The following KCNB2 variants were observed in gnomAD, a reference collection of about 807,000 sequenced individuals.
The protein encoded by KCNB2 is potassium voltage-gated channel subfamily B member 2.
In KCNB2, 15 loss-of-function variants were observed where a neutral mutation model predicts 61.5. The observed-to-expected ratio is 0.24, with a 90% CI of 0.16 to 0.38. The LOEUF is 0.38. Among genes scored for constraint, KCNB2 ranks in the 10% least tolerant of loss-of-function variants. KCNB2 has a pLI of 1.00. For synonymous variants in KCNB2, 457 were observed against 446.0 expected (o/e 1.02, Z -0.31); for missense variants, 828 against 1,125.2 (o/e 0.74, Z 3.78).
In KCNB2 at chr8:72,858,985, C is replaced by G. The variant is rs1031648523; in HGVS notation, c.580-76950C>G. On this transcript the variant is annotated intron_variant, in intron 2 of 2. Coordinates refer to ENST00000523207, the MANE Select transcript of KCNB2 (RefSeq NM_004770.3). ...CTTCTAATTTTGTTTGCCCCCATCA[C>G]AAATATAGGATTACACAAATTCTAA... Among the ~76,000 whole-genome samples, 4 of 152,318 alleles carry G rather than the reference C, an allele frequency of 2.6e-5. 1 individual carries two copies.
chr8:72,774,740 T>A (rs1265990145), intron 2 of KCNB2, among the ~76,000 whole-genome samples: 1 of 152,152 alleles, frequency 6.6e-6, no homozygotes. Context: ...CATGTCCTAC[T>A]ATAAATTTAT....
At chr8:72,784,785 A>G (rs1230698431) in intron 2 of KCNB2, among the ~76,000 whole-genome samples, 1 of 152,270 alleles carries the variant, frequency 6.6e-6, no homozygotes, top group Admixed American at 6.5e-5. Context: ...CAGCCAAACC[A>G]TATCACTGGG....
chr8:72,643,053 A>G (rs1806080065), intron 2 of KCNB2, among the ~76,000 whole-genome samples: 1 of 152,176 alleles, frequency 6.6e-6, no homozygotes, highest in Admixed American at 6.5e-5. Context: ...CTTCTCATAT[A>G]TGCCAAATTT....
intron 2 of KCNB2, among the ~76,000 whole-genome samples, chr8:72,916,553 T>A (rs1346941778): frequency 2.0e-5 from 3 of 152,324 alleles, no homozygotes; most frequent in African/African-American, 7.2e-5. Context: ...GTTTTAACTT[T>A]ACTGTCTGTG....
chr8:72,574,222 A>G (rs1347461298), intron 2 of KCNB2, among the ~76,000 whole-genome samples: 1 of 152,222 alleles, frequency 6.6e-6, no homozygotes, highest in Non-Finnish European at 1.5e-5. Flanking sequence ...TTCTAGATCC[A>G]TGCTTCTCTG....
chr8:72,624,128 A>G (rs1172764066), intron 2 of KCNB2, among the ~76,000 whole-genome samples: 1 of 152,176 alleles, frequency 6.6e-6, no homozygotes, highest in African/African-American at 2.4e-5. Context: ...TCAAATCTCT[A>G]TAATGTTCAT....
At position 72,882,520 on chromosome 8, in the gene KCNB2, TGAGAGAGA is replaced by T. The variant is rs147239924; in HGVS notation, c.580-53386_580-53379del. Among the ~76,000 whole-genome samples, 302 of 115,458 alleles carry T rather than the reference TGAGAGAGA, an allele frequency of 2.6e-3. 3 individuals carry two copies. The highest frequency in any genetic ancestry group is 8.4e-3 in the African/African-American group (259 of 30,812). The allele number at this position is 115,458 out of a possible 152,430, so 75.7% of individuals were successfully genotyped here. A position where few individuals can be genotyped will look rare whatever the true frequency, so the allele number is the denominator to read the frequency against. ...TTTGACCATGCCAACTGCTGACAGT[TGAGAGAGA>T]GAGAGAGAGAGAGAGAGAGAGAGAG... On this transcript the variant is annotated intron_variant, in intron 2 of 2. Coordinates refer to ENST00000523207, the MANE Select transcript of KCNB2 (RefSeq NM_004770.3).
chr8:72,870,569 T>G (rs1050959105), intron 2 of KCNB2, among the ~76,000 whole-genome samples: 1 of 152,098 alleles, frequency 6.6e-6, no homozygotes, highest in Admixed American at 6.5e-5. Flanking sequence ...GGAAACAGTA[T>G]AGGGTAAGGG....
intron 2 of KCNB2, among the ~76,000 whole-genome samples, chr8:72,590,184 G>A (rs1178450507): frequency 1.3e-5 from 2 of 152,120 alleles, no homozygotes; most frequent in African/African-American, 4.8e-5. Flanking sequence ...TTAACCATAA[G>A]TAATTTAATG....
intron 2 of KCNB2, among the ~76,000 whole-genome samples, chr8:72,919,758 T>C (rs912408611): frequency 1.8e-4 from 28 of 152,218 alleles, no homozygotes; most frequent in Non-Finnish European, 4.0e-4. Context: ...AGGCTATATG[T>C]GAAAATTATC....
intron 2 of KCNB2, among the ~76,000 whole-genome samples, chr8:72,627,919 A>C (rs936145756): frequency 1.3e-5 from 2 of 151,918 alleles, no homozygotes; most frequent in Non-Finnish European, 2.9e-5. Context: ...TTATTAGATT[A>C]AAAAAAATGT....
intron 2 of KCNB2, among the ~76,000 whole-genome samples, chr8:72,912,716 A>G (rs1157411313): frequency 6.6e-6 from 1 of 152,022 alleles, no homozygotes; most frequent in African/African-American, 2.4e-5. Flanking sequence ...AAGTAGCTCA[A>G]AGAAGATCAA....
intron 2 of KCNB2, among the ~76,000 whole-genome samples, chr8:72,792,757 G>A (rs1301318357): frequency 1.3e-5 from 2 of 152,172 alleles, no homozygotes; most frequent in East Asian, 3.9e-4. Context: ...TAGCCTGAAA[G>A]CTAAATCATG....
At chr8:72,642,862 AAAT>A (rs1462588475) in intron 2 of KCNB2, among the ~76,000 whole-genome samples, 1 of 152,172 alleles carries the variant, frequency 6.6e-6, no homozygotes, top group African/African-American at 2.4e-5. Context: ...CACTTTGTTG[AAAT>A]AATATCAGAT....
intron 2 of KCNB2, among the ~76,000 whole-genome samples, chr8:72,824,510 C>G (rs1173501844): frequency 6.6e-6 from 1 of 152,162 alleles, no homozygotes. Context: ...CCTCTTACCT[C>G]TAAAACAAGC....
In KCNB2 at chr8:72,567,691, T is replaced by C; in HGVS notation, c.-44T>C. ...CAGAGGGATATTGCTTCAGTTGACCTCATTTTTTAAGGACCCTGGCTCTGC... is the reference window on the plus strand; with the variant it reads ...CAGAGGGATATTGCTTCAGTTGACCCCATTTTTTAAGGACCCTGGCTCTGC... On this transcript the variant is annotated 5_prime_UTR_variant, in exon 2 of 3. Transcript: ENST00000523207. 1 of 1,381,050 alleles carries C rather than the reference T, an allele frequency of 7.2e-7. No individual in the cohort carries two copies. Among genetic ancestry groups the C allele is most frequent in the Non-Finnish European group, 9.8e-7 (1 of 1,021,226 alleles). 85.5% of individuals were successfully genotyped at this position (1,381,050 alleles called of 1,614,324 possible). A position where few individuals can be genotyped will look rare whatever the true frequency, so the allele number is the denominator to read the frequency against.
chr8:72,748,910 A>G (rs991439085), intron 2 of KCNB2, among the ~76,000 whole-genome samples: 1 of 152,080 alleles, frequency 6.6e-6, no homozygotes, highest in African/African-American at 2.4e-5. Context: ...ATACATTGCT[A>G]TTAACCACAG....
intron 2 of KCNB2, among the ~76,000 whole-genome samples, chr8:72,858,910 T>A (rs2129003873): frequency 6.6e-6 from 1 of 152,320 alleles, no homozygotes; most frequent in South Asian, 2.1e-4. Flanking sequence ...TGTTCTCTGT[T>A]TGCTGTGCCA....
chr8:72,691,375 C>T (rs546287348), intron 2 of KCNB2, among the ~76,000 whole-genome samples: 112 of 152,322 alleles, frequency 7.4e-4, no homozygotes, highest in Middle Eastern at 3.4e-3. Context: ...CGTACTTGAA[C>T]TAATGCCATT....
Sources: gnomAD v4.1 joint callset for allele counts (sites outside exome capture counted in the v4.1 genomes callset) on GRCh38, gnomAD v4.1.1 for gene constraint, MANE v1.5 for transcripts, NCBI Gene and HGNC (gene_info 2026-07-23, HGNC 2026-07-21) for gene names.